The following FBXW12 variants were observed in gnomAD, a reference collection of about 807,000 sequenced individuals.
FBXW12 encodes the protein F-box and WD repeat domain containing 12.
FBXW12 carries 43 observed loss-of-function variants against 55.3 expected under a neutral mutation model. The observed-to-expected ratio is 0.78, with a 90% CI of 0.61 to 1.00. FBXW12 has a LOEUF of 1.00. Among genes scored for constraint, FBXW12 ranks in the 50% least tolerant of loss-of-function variants. FBXW12 has a pLI of 0.00. For synonymous variants in FBXW12, 184 were observed against 203.8 expected, an observed-to-expected ratio of 0.90 and a Z score of 0.83; for missense variants, 524 against 560.5, an observed-to-expected ratio of 0.93 and a Z score of 0.66.
chr3:48,383,531 GT>G, intron 10 of FBXW12, among the ~76,000 whole-genome samples: 1 of 152,176 alleles, frequency 6.6e-6, no homozygotes, highest in South Asian at 2.1e-4. Flanking sequence ...TCCCACTCTG[GT>G]TTGTCTTTCT....
At position 48,381,803 on chromosome 3, in the gene FBXW12, G is replaced by A. The variant is rs757436176; in HGVS notation, c.1089G>A (p.Leu363=). The change falls in exon 9 of 11, where the codon TTG becomes TTA. Residue 363 remains leucine (L), a synonymous_variant. Transcript: ENST00000296438. The stretch of plus-strand genomic sequence containing the variant: ...TTGTCTTTACCAGTGGACCATACTT[G>A]TTACTCTTCAGCATCACTGGCTTCC... ...YMIVFTSGPY[L]LLFSITGFLL... is the part of the protein sequence containing the mutation. 28 of 1,612,300 alleles carry A rather than the reference G, an allele frequency of 1.7e-5. No homozygotes were observed. The highest frequency in any genetic ancestry group is 2.3e-5 in the Non-Finnish European group (27 of 1,178,786).
At chr3:48,382,244 G>A (rs920962021) in intron 10 of FBXW12, among the ~76,000 whole-genome samples, 159 bp downstream of exon 10, 1 of 152,086 alleles carries the variant, frequency 6.6e-6, no homozygotes, top group African/African-American at 2.4e-5. Flanking sequence ...AGCCTCCCAA[G>A]TAGCTGGGAT....
chr3:48,381,975 C>T lies in FBXW12; in HGVS notation c.1185C>T (p.Thr395=), dbSNP rs770722915. 3 of 1,614,178 alleles carry T rather than the reference C, an allele frequency of 1.9e-6. No individual in the cohort carries two copies. The highest frequency in any genetic ancestry group is 2.2e-5 in the South Asian group (2 of 91,080). Residue 395 remains threonine (T), a synonymous_variant, in exon 10 of 11, where the codon ACC becomes ACT. Coordinates refer to ENST00000296438, the MANE Select transcript of FBXW12 (RefSeq NM_207102.2). The part of the protein sequence containing the change: ...NFWVDPCYVL[T]TSENSVHVYM... Reference sequence around the variant, plus strand: ...GGAAGGATCCTTGCTATGTGCTCACCACATCCGAGAACTCTGTGCACGTGT... The same window carrying T: ...GGAAGGATCCTTGCTATGTGCTCACTACATCCGAGAACTCTGTGCACGTGT...
At chr3:48,382,114 C>A (rs1287228672) in intron 10 of FBXW12, 29 bp downstream of exon 10, 1 of 1,611,658 alleles carries the variant, frequency 6.2e-7, no homozygotes, top group Non-Finnish European at 8.5e-7. Flanking sequence ...TGTAAACATC[C>A]CCTAAACAAC....
chr3:48,393,283 A>G (rs1360194401), intron 10 of FBXW12, among the ~76,000 whole-genome samples: 1 of 152,176 alleles, frequency 6.6e-6, no homozygotes, highest in Admixed American at 6.5e-5. Flanking sequence ...GAAGTGAGCC[A>G]TCACACCTGG....
At chr3:48,380,382 A>C (rs979550533) in intron 7 of FBXW12, among the ~76,000 whole-genome samples, 1 of 152,160 alleles carries the variant, frequency 6.6e-6, no homozygotes, top group Non-Finnish European at 1.5e-5. Context: ...AAAGCCACAC[A>C]GCCCTTGACT....
intron 8 of FBXW12, 118 bp downstream of exon 8, chr3:48,381,030 T>TC: frequency 1.2e-6 from 1 of 861,994 alleles, no homozygotes; most frequent in East Asian, 2.7e-5. Flanking sequence ...TAGTTTTTTT[T>TC]TTTTTTTTTT....
At chr3:48,386,706 T>C (rs1230994651) in intron 10 of FBXW12, among the ~76,000 whole-genome samples, 1 of 152,194 alleles carries the variant, frequency 6.6e-6, no homozygotes, top group Non-Finnish European at 1.5e-5. Flanking sequence ...ACCGCCTTGG[T>C]TCAATTTACT....
chr3:48,386,181 GA>G (rs1165484280), intron 10 of FBXW12, among the ~76,000 whole-genome samples: 6 of 150,552 alleles, frequency 4.0e-5, no homozygotes, highest in Middle Eastern at 3.2e-3. Context: ...TGTGATGTGA[GA>G]AAAAGTCCCA....
intron 10 of FBXW12, among the ~76,000 whole-genome samples, chr3:48,390,606 G>A (rs1372819162): frequency 6.6e-6 from 1 of 150,916 alleles, no homozygotes; most frequent in Non-Finnish European, 1.5e-5. Context: ...GTAGAGATGG[G>A]GTTTTGCATG....
chr3:48,391,317 T>C lies in FBXW12; in HGVS notation c.1296-3243T>C, dbSNP rs971406319. 6.0e-5 allele frequency among the ~76,000 whole-genome samples: 8 copies of C among 133,186 alleles called. No homozygotes were observed. In the East Asian group the frequency reaches 8.8e-4, roughly 15 times the overall value. 87.4% of individuals were successfully genotyped at this position (133,186 alleles called of 152,430 possible). On this transcript the variant is annotated intron_variant, in intron 10 of 10. Transcript: ENST00000296438. ...AAAAAATACATATTATATCTATCTA[T>C]ACACACACACACACACACACACACA...
At chr3:48,377,709 T>C (rs1269886779) in intron 5 of FBXW12, among the ~76,000 whole-genome samples, 1 of 152,206 alleles carries the variant, frequency 6.6e-6, no homozygotes, top group Non-Finnish European at 1.5e-5. Flanking sequence ...CGGAGAGCCA[T>C]GGGGGAGTTG....
At chr3:48,374,573 C>G (rs972805156) in intron 4 of FBXW12, among the ~76,000 whole-genome samples, 3 of 152,086 alleles carry the variant, frequency 2.0e-5, no homozygotes, top group Non-Finnish European at 4.4e-5. Flanking sequence ...AGTGATCCAC[C>G]TGCCTTGGCC....
Position 48,382,030 on chromosome 3 carries a change from T to C in FBXW12, c.1240T>C (p.Tyr414His). The C allele has an allele frequency of 1.2e-6, 2 of 1,614,198 alleles. No individual in the cohort carries two copies. Among genetic ancestry groups the C allele is most frequent in the Non-Finnish European group, 1.7e-6 (2 of 1,180,022 alleles). ...GTGGGAAGAAGGAGGCCGCCATCCA[T>C]ACCTCAGGAGCTGCTGTCACCTGGA... is the stretch of plus-strand genomic sequence containing the variant. ...YMWEEGGRHPYLRSCCHLENT... is the reference protein window; with the variant it reads ...YMWEEGGRHPHLRSCCHLENT... Residue 414 changes from tyrosine to histidine, a missense_variant, in exon 10 of 11, where the codon TAC (tyrosine) becomes CAC (histidine). Coordinates refer to ENST00000296438, the MANE Select transcript of FBXW12 (RefSeq NM_207102.2).
At chr3:48,378,570 C>T (rs189781234) in intron 6 of FBXW12, 44 bp downstream of exon 6, 111 of 1,530,494 alleles carry the variant, frequency 7.3e-5, no homozygotes, top group Non-Finnish European at 9.3e-5. Flanking sequence ...AATCAAATGC[C>T]TGTTGTCTTG....
chr3:48,394,686 C>A lies in FBXW12; in HGVS notation c.*27C>A. The A allele has an allele frequency of 8.3e-7, 1 of 1,199,716 alleles. No homozygotes were observed. The highest frequency in any genetic ancestry group is 1.2e-6 in the Non-Finnish European group (1 of 819,906). The allele number at this position is 1,199,716 out of a possible 1,614,324, so 74.3% of individuals were successfully genotyped here. On this transcript the variant is annotated 3_prime_UTR_variant, in exon 11 of 11. Transcript: ENST00000296438. ...ATGGAAACTAACAAAATTGACCTTG[C>A]ATCATCTTCTGCAATGTAGTAAAGA...
chr3:48,378,891 G>A (rs140586100), intron 6 of FBXW12, among the ~76,000 whole-genome samples: 284 of 152,168 alleles, frequency 1.9e-3, no homozygotes, highest in Non-Finnish European at 3.2e-3. Context: ...AAGCCACAGC[G>A]CCTGGCCTAT....
At chr3:48,377,011 T>G (rs2036694835) in intron 5 of FBXW12, among the ~76,000 whole-genome samples, 1 of 152,230 alleles carries the variant, frequency 6.6e-6, no homozygotes, top group Non-Finnish European at 1.5e-5. Context: ...TCAAGATAAA[T>G]TGAATCTAAA....
At chr3:48,394,007 G>A (rs1318603564) in intron 10 of FBXW12, among the ~76,000 whole-genome samples, 1 of 151,918 alleles carries the variant, frequency 6.6e-6, no homozygotes, top group Admixed American at 6.6e-5. Flanking sequence ...TTGATCTCCT[G>A]ACCTTGTGAT....
Sources: gnomAD v4.1 joint callset for allele counts (sites outside exome capture counted in the v4.1 genomes callset) on GRCh38, gnomAD v4.1.1 for gene constraint, MANE v1.5 for transcripts, NCBI Gene and HGNC (gene_info 2026-07-23, HGNC 2026-07-21) for gene names.